Variants in DENND6A observed in about 807,000 individuals in gnomAD.
The protein encoded by DENND6A is protein DENND6A.
In DENND6A, 43 loss-of-function variants were observed where a neutral mutation model predicts 95.5. The observed-to-expected ratio is 0.45, with a 90% CI of 0.35 to 0.58. The LOEUF (loss-of-function observed/expected upper bound fraction) is 0.58. Among genes scored for constraint, DENND6A ranks in the 20% least tolerant of loss-of-function variants. The pLI, the probability that DENND6A is intolerant of heterozygous loss-of-function variation, is 0.00. For synonymous variants in DENND6A, 257 were observed against 260.4 expected (o/e 0.99, Z 0.13); for missense variants, 574 against 736.0 (o/e 0.78, Z 2.55).
At chr3:57,630,330 G>A (rs2070638254) in intron 18 of DENND6A, 91 bp downstream of exon 18, 1 of 1,160,538 alleles carries the variant, frequency 8.6e-7, no homozygotes, top group Non-Finnish European at 1.2e-6. Context: ...TTTATAAAGA[G>A]TGGATAAAGG....
intron 1 of DENND6A, among the ~76,000 whole-genome samples, chr3:57,683,998 C>A (rs774310139): frequency 1.3e-5 from 2 of 151,790 alleles, no homozygotes; most frequent in African/African-American, 4.8e-5. Flanking sequence ...ACTAAAAATA[C>A]AAAAATTAGC....
Position 57,633,347 on chromosome 3 carries a change from T to C in DENND6A, c.1271A>G (p.Gln424Arg), listed in dbSNP as rs1353815159. Residue 424 changes from glutamine (Q) to arginine (R), a missense_variant, in exon 15 of 20, where the codon CAA (glutamine) becomes CGA (arginine). Around this residue, in one of 2 missense-constraint regions of DENND6A, gnomAD observed 452 missense variants for 630.9 expected, o/e 0.72. Transcript: ENST00000311128. The part of the protein sequence containing the change: ...EIIKQLQKGV[Q>R]QKRPSEAQSV... ...TTGAGCCTCAGAAGGACGTTTCTGT[T>C]GTACACCCTTAAAAGAGGAAATAAT... The C allele has an allele frequency of 6.2e-7, 1 of 1,613,270 alleles. No individual in the cohort carries two copies. The highest frequency in any genetic ancestry group is 1.1e-5 in the South Asian group (1 of 90,924).
chr3:57,652,810 A>C (rs1424577362), intron 9 of DENND6A, among the ~76,000 whole-genome samples: 1 of 152,130 alleles, frequency 6.6e-6, no homozygotes, highest in Admixed American at 6.5e-5. Flanking sequence ...TAAACTGAGG[A>C]GTTTCTGCAA....
At chr3:57,687,929 C>CA (rs55695630) in intron 1 of DENND6A, among the ~76,000 whole-genome samples, 86,179 of 135,746 alleles carry the variant, frequency 0.63, 27,153 homozygotes, top group South Asian at 0.73. Context: ...AAGACCACCT[C>CA]AAAAAAAAAA....
chr3:57,683,449 G>A (rs1280763005), intron 1 of DENND6A, among the ~76,000 whole-genome samples: 1 of 152,108 alleles, frequency 6.6e-6, no homozygotes, highest in Non-Finnish European at 1.5e-5. Context: ...CTACCTTCAG[G>A]AAATCCAACT....
chr3:57,689,199 C>T (rs553462955), intron 1 of DENND6A, among the ~76,000 whole-genome samples: 44 of 152,004 alleles, frequency 2.9e-4, no homozygotes, highest in African/African-American at 9.7e-4. Context: ...GTGATCTGCC[C>T]GCCTCGGCCT....
At chr3:57,689,890 C>T (rs1243473756) in intron 1 of DENND6A, among the ~76,000 whole-genome samples, 1 of 151,614 alleles carries the variant, frequency 6.6e-6, no homozygotes, top group Non-Finnish European at 1.5e-5. Context: ...ATAGCAAGAC[C>T]CTGTCCCCAC....
At chr3:57,648,528 T>C (rs138081889) in intron 9 of DENND6A, among the ~76,000 whole-genome samples, 3,653 of 152,120 alleles carry the variant, frequency 0.024, 68 homozygotes, top group Non-Finnish European at 0.035. Context: ...CTAAAATTCA[T>C]ATGGAACCAA....
intron 9 of DENND6A, chr3:57,654,980 T>A: frequency 4.6e-6 from 1 of 216,006 alleles, no homozygotes; most frequent in Non-Finnish European, 7.9e-6. Context: ...TATAATACTA[T>A]CACTGTGTGA....
chr3:57,636,652 G>T (rs143968857), intron 12 of DENND6A, among the ~76,000 whole-genome samples: 3,658 of 152,160 alleles, frequency 0.024, 69 homozygotes, highest in Non-Finnish European at 0.035. Flanking sequence ...GAGATAAAAA[G>T]TTGGCCGGGC....
intron 1 of DENND6A, among the ~76,000 whole-genome samples, chr3:57,691,119 T>C (rs1241058573): frequency 6.6e-6 from 1 of 152,232 alleles, no homozygotes; most frequent in Non-Finnish European, 1.5e-5. Context: ...TCCCAAATAA[T>C]GAGAATCCAA....
At chr3:57,639,807 T>C (rs573596129) in intron 12 of DENND6A, among the ~76,000 whole-genome samples, 26 of 152,242 alleles carry the variant, frequency 1.7e-4, no homozygotes, top group African/African-American at 6.3e-4. Flanking sequence ...TTCTAAAAAT[T>C]TCAGTAAGAC....
intron 1 of DENND6A, among the ~76,000 whole-genome samples, chr3:57,683,181 C>G (rs1165760221): frequency 6.6e-6 from 1 of 152,048 alleles, no homozygotes; most frequent in Admixed American, 6.5e-5. Flanking sequence ...GTATTACTTA[C>G]AAAGGACGCT....
At chr3:57,638,544 G>T (rs1170597615) in intron 12 of DENND6A, among the ~76,000 whole-genome samples, 1 of 152,036 alleles carries the variant, frequency 6.6e-6, no homozygotes, top group Non-Finnish European at 1.5e-5. Context: ...TGTAATCTCA[G>T]CGACTCGGGG....
rs900301468 is a variant in DENND6A, at chr3:57,630,842, T to C, written c.1408-18A>G. ...GGTGGACTCTAGAAAACAGGACATA[T>C]AATATTTAGAAATTAGGAGTGGATA... On this transcript the variant is annotated intron_variant, in intron 16 of 19. Transcript: ENST00000311128. 9 of 1,610,484 alleles carry C rather than the reference T, an allele frequency of 5.6e-6. No individual in the cohort carries two copies. The highest frequency in any genetic ancestry group is 4.5e-5 in the East Asian group (2 of 44,846).
chr3:57,688,695 C>A (rs2077233322), intron 1 of DENND6A, among the ~76,000 whole-genome samples: 1 of 151,226 alleles, frequency 6.6e-6, no homozygotes, highest in Non-Finnish European at 1.5e-5. Flanking sequence ...AAAAAAAACA[C>A]ACAGCTCCAG....
intron 1 of DENND6A, among the ~76,000 whole-genome samples, chr3:57,678,013 T>C (rs1225398013): frequency 6.6e-6 from 1 of 152,214 alleles, no homozygotes; most frequent in Non-Finnish European, 1.5e-5. Context: ...TCAGCCATTT[T>C]TGTCAAAATC....
In DENND6A at chr3:57,627,615, A is replaced by C. The variant is rs1049455973; in HGVS notation, c.*599T>G. Reference sequence around the variant, plus strand: ...CCCATCATGTCTATTAATAAACACAATGGGTAGCAAGAAACTTTTTTTTTA... The same window carrying C: ...CCCATCATGTCTATTAATAAACACACTGGGTAGCAAGAAACTTTTTTTTTA... On this transcript the variant is annotated 3_prime_UTR_variant, in exon 20 of 20. Transcript: ENST00000311128. 5.2e-5 allele frequency: 8 copies of C among 152,486 alleles called. No individual in the cohort carries two copies. Among genetic ancestry groups the C allele is most frequent in the African/African-American group, 1.9e-4 (8 of 41,458 alleles). 9.4% of individuals were successfully genotyped at this position (152,486 alleles called of 1,614,324 possible).
At chr3:57,681,642 GAAAGAAAGAAA>G (rs2077167148) in intron 1 of DENND6A, among the ~76,000 whole-genome samples, 4 of 142,308 alleles carry the variant, frequency 2.8e-5, no homozygotes, top group Non-Finnish European at 1.5e-5. Context: ...AAAAAAGAAA[GAAAGAAAGAAA>G]AAAGAAAGAA....
Sources: gnomAD v4.1 joint callset for allele counts (sites outside exome capture counted in the v4.1 genomes callset) on GRCh38, gnomAD v4.1.1 for gene constraint, gnomAD v4.1.1 regional missense constraint, MANE v1.5 for transcripts, NCBI Gene and HGNC (gene_info 2026-07-23, HGNC 2026-07-21) for gene names.